Variants in BORCS6 observed in about 807,000 individuals in gnomAD.
BORCS6 encodes BLOC-1-related complex subunit 6.
In BORCS6, 12 loss-of-function variants were observed where a neutral mutation model predicts 17.0. That is an observed-to-expected ratio of 0.71 (90% CI 0.45 to 1.15). The LOEUF (loss-of-function observed/expected upper bound fraction) is 1.15. Among genes scored for constraint, BORCS6 ranks in the 50% most tolerant of loss-of-function variants. The pLI, the probability that BORCS6 is intolerant of heterozygous loss-of-function variation, is 0.00. For missense variants in BORCS6, 513 were observed against 515.0 expected, an observed-to-expected ratio of 1.00 and a Z score of 0.04; for synonymous variants, 262 against 241.7, an observed-to-expected ratio of 1.08 and a Z score of -0.78.
At position 8,189,027 on chromosome 17, in the gene BORCS6, G is replaced by A. The variant is rs1188349518; in HGVS notation, c.*40C>T. On this transcript the variant is annotated 3_prime_UTR_variant, in exon 1 of 1. Transcript: ENST00000389017. The surrounding 1 kb of genome is among the most constrained non-coding windows in gnomAD (Gnocchi z 7.8). ...TGAAGAGTCCTTAGGGTCCTGCTGG[G>A]CCCTGCCCTGGCCAGGACCGGCCTC... The A allele has an allele frequency of 4.3e-6, 7 of 1,613,206 alleles. No homozygotes were observed. Among genetic ancestry groups the A allele is most frequent in the African/African-American group, 1.3e-5 (1 of 75,024 alleles).
At position 8,188,859 on chromosome 17, in the gene BORCS6, C is replaced by G; in HGVS notation, c.*208G>C. On this transcript the variant is annotated 3_prime_UTR_variant, in exon 1 of 1. Transcript: ENST00000389017. ...AACTGAATACAAGCAGAGCAACATC[C>G]CTTCCCACCAGGAGAGCCGTTAGAA... 4.4e-6 allele frequency: 3 copies of G among 677,024 alleles called. No individual in the cohort carries two copies. The South Asian group carries it at 5.8e-5, about 13-fold the overall frequency. 41.9% of individuals were successfully genotyped at this position (677,024 alleles called of 1,614,324 possible).
Position 8,188,769 on chromosome 17 carries a change from G to A in BORCS6, c.*298C>T. On this transcript the variant is annotated 3_prime_UTR_variant, in exon 1 of 1. Transcript: ENST00000389017. ...CCTTCAAGCAGACCTAAAGCCCCGTGTTCCCAGGGCTGGTGCTCTAGCTAG... is the reference window on the plus strand; with the variant it reads ...CCTTCAAGCAGACCTAAAGCCCCGTATTCCCAGGGCTGGTGCTCTAGCTAG... The A allele has an allele frequency of 2.2e-6, 1 of 462,702 alleles. No individual in the cohort carries two copies. The highest frequency in any genetic ancestry group is 3.9e-6 in the Non-Finnish European group (1 of 255,448). The allele number at this position is 462,702 out of a possible 1,614,324, so 28.7% of individuals were successfully genotyped here. A position where few individuals can be genotyped will look rare whatever the true frequency, so the allele number is the denominator to read the frequency against.
chr17:8,190,154 G>T lies in BORCS6; in HGVS notation c.-14C>A. The T allele has an allele frequency of 6.5e-7, 1 of 1,537,002 alleles. No individual in the cohort carries two copies. Among genetic ancestry groups the T allele is most frequent in the South Asian group, 1.2e-5 (1 of 82,734 alleles). On this transcript the variant is annotated 5_prime_UTR_variant, in exon 1 of 1. Coordinates refer to ENST00000389017, the MANE Select transcript of BORCS6 (RefSeq NM_017622.3). Reference sequence around the variant, plus strand: ...AGACGACTCCATACTGCAGGTGGGGGCCGCAACGGAGGAATTGGTTCGCCC... The same window carrying T: ...AGACGACTCCATACTGCAGGTGGGGTCCGCAACGGAGGAATTGGTTCGCCC...
chr17:8,189,563 C>A lies in BORCS6; in HGVS notation c.578G>T (p.Arg193Leu). The change falls in exon 1 of 1, where the codon CGC (arginine) becomes CTC (leucine). Residue 193 changes from arginine (R) to leucine (L), a missense_variant. Transcript: ENST00000389017. This position sits in a 1 kb window ranked among gnomAD's most constrained non-coding sequence, Gnocchi z 7.8. ...GSAESGAGGG[R>L]RATISSPLEL... ...CAGGGGACTGGAGATGGTGGCGCGG[C>A]GTCCGCCGCCCGCGCCGGACTCGGC... 6.3e-7 allele frequency: 1 copy of A among 1,581,156 alleles called. No homozygotes were observed. The highest frequency in any genetic ancestry group is 1.1e-5 in the South Asian group (1 of 88,234).
chr17:8,189,743 C>T lies in BORCS6; in HGVS notation c.398G>A (p.Gly133Asp). The T allele has an allele frequency of 6.3e-7, 1 of 1,599,736 alleles. No homozygotes were observed. The highest frequency in any genetic ancestry group is 8.5e-7 in the Non-Finnish European group (1 of 1,179,632). ...GRDCRRGGPGGGMDVEQQEEE... is the reference protein window; with the variant it reads ...GRDCRRGGPGDGMDVEQQEEE... The stretch of plus-strand genomic sequence containing the variant: ...CTCCTGCTGCTCAACATCCATCCCG[C>T]CGCCTGGTCCCCCTCGACGGCAGTC... The change falls in exon 1 of 1, where the codon GGC (glycine) becomes GAC (aspartate). Residue 133 changes from glycine to aspartate, a missense_variant. Coordinates refer to ENST00000389017, the MANE Select transcript of BORCS6 (RefSeq NM_017622.3). The surrounding 1 kb of genome is among the most constrained non-coding windows in gnomAD (Gnocchi z 7.8).
In BORCS6 at chr17:8,189,186, AC is replaced by A. The variant is rs1984570767; in HGVS notation, c.954del (p.Met318IlefsTer59). On this transcript the variant is annotated frameshift_variant, in exon 1 of 1. Transcript: ENST00000389017. LOFTEE classifies it high-confidence loss of function. The surrounding 1 kb of genome is among the most constrained non-coding windows in gnomAD (Gnocchi z 7.8). ...TCCTCGCAGCGCGCCAGCAGGGTGTACATGCCCTTGATGCTCATGTCCACGG... is the reference window on the plus strand; with the variant it reads ...TCCTCGCAGCGCGCCAGCAGGGTGTAATGCCCTTGATGCTCATGTCCACGG... The part of the protein sequence containing the change: ...GEAVDMSIKG[M>X]YTLLARCEEL... 1 of 1,614,002 alleles carries A rather than the reference AC, an allele frequency of 6.2e-7. No homozygotes were observed. The highest frequency in any genetic ancestry group is 1.7e-5 in the Admixed American group (1 of 60,006).
At position 8,189,712 on chromosome 17, in the gene BORCS6, TTCC is replaced by T. The variant is rs756250074; in HGVS notation, c.426_428del (p.Glu143del). ...CCGCGGCCGCCTCCTCGTCGTTGTC[TTCC>T]TCCTCCTGCTGCTCAACATCCATCC... On this transcript the variant is annotated inframe_deletion, in exon 1 of 1. Transcript: ENST00000389017. This position sits in a 1 kb window ranked among gnomAD's most constrained non-coding sequence, Gnocchi z 7.8. 9 of 1,599,048 alleles carry T rather than the reference TTCC, an allele frequency of 5.6e-6. No individual in the cohort carries two copies. Among genetic ancestry groups the T allele is most frequent in the South Asian group, 1.1e-5 (1 of 91,086 alleles).
chr17:8,189,733 A>C lies in BORCS6; in HGVS notation c.408T>G (p.Asp136Glu). 1.3e-6 allele frequency: 2 copies of C among 1,599,318 alleles called. No homozygotes were observed. The highest frequency in any genetic ancestry group is 1.7e-6 in the Non-Finnish European group (2 of 1,179,606). Residue 136 changes from aspartate to glutamate, a missense_variant, in exon 1 of 1, where the codon GAT (aspartate) becomes GAG (glutamate). Transcript: ENST00000389017. This position sits in a 1 kb window ranked among gnomAD's most constrained non-coding sequence, Gnocchi z 7.8. ...CRRGGPGGGM[D>E]VEQQEEEDND... The stretch of plus-strand genomic sequence containing the variant: ...TGTCTTCCTCCTCCTGCTGCTCAAC[A>C]TCCATCCCGCCGCCTGGTCCCCCTC...
rs771433813 is a variant in BORCS6, at chr17:8,189,394, G to A, written c.747C>T (p.Pro249=). 51 of 1,591,588 alleles carry A rather than the reference G, an allele frequency of 3.2e-5. No individual in the cohort carries two copies. Among genetic ancestry groups the A allele is most frequent in the Admixed American group, 2.1e-4 (12 of 56,020 alleles). The stretch of plus-strand genomic sequence containing the variant: ...GGTCGATTGGGGGAATGGCCGGTGT[G>A]GGTGTGGGTGCAGGCGCTGGGCAGG... The part of the protein sequence containing the change: ...ARPCPAPAPT[P]TPAIPPIDPE... The change falls in exon 1 of 1, where the codon CCC becomes CCT. Residue 249 remains proline (P), a synonymous_variant. Transcript: ENST00000389017. The surrounding 1 kb of genome is among the most constrained non-coding windows in gnomAD (Gnocchi z 7.8).
chr17:8,190,039 A>G lies in BORCS6; in HGVS notation c.102T>C (p.Ser34=). The change falls in exon 1 of 1, where the codon TCT becomes TCC. Residue 34 remains serine, a synonymous_variant. Coordinates refer to ENST00000389017, the MANE Select transcript of BORCS6 (RefSeq NM_017622.3). ...ACACCCGGAGGCCTGCGGGCGGCTC[A>G]GAGGACGTTCGGCCCGGCCCGCCGC... ...VFGGGPGRTS[S]EPPAGLRVSG... 6.5e-7 allele frequency: 1 copy of G among 1,550,122 alleles called. No individual in the cohort carries two copies. The highest frequency in any genetic ancestry group is 8.7e-7 in the Non-Finnish European group (1 of 1,146,844).
chr17:8,189,000 C>T lies in BORCS6; in HGVS notation c.*67G>A, dbSNP rs1024376023. ...CAGTGGGCACTTCCCACCAGGACTC[C>T]CTGAAGAGTCCTTAGGGTCCTGCTG... On this transcript the variant is annotated 3_prime_UTR_variant, in exon 1 of 1. Transcript: ENST00000389017. 7 of 1,603,766 alleles carry T rather than the reference C, an allele frequency of 4.4e-6. No homozygotes were observed. The African/African-American group carries it at 8.1e-5, about 18-fold the overall frequency.
At position 8,188,732 on chromosome 17, in the gene BORCS6, G is replaced by C. The variant is rs1288698055; in HGVS notation, c.*335C>G. 2 of 367,936 alleles carry C rather than the reference G, an allele frequency of 5.4e-6. No homozygotes were observed. Among genetic ancestry groups the C allele is most frequent in the Non-Finnish European group, 5.0e-6 (1 of 198,544 alleles). 22.8% of individuals were successfully genotyped at this position (367,936 alleles called of 1,614,324 possible). On this transcript the variant is annotated 3_prime_UTR_variant, in exon 1 of 1. Transcript: ENST00000389017. Reference sequence around the variant, plus strand: ...CCCTTTCTCCTGATTACATGTGGGAGTCACGTCCTCACCTTCAAGCAGACC... The same window carrying C: ...CCCTTTCTCCTGATTACATGTGGGACTCACGTCCTCACCTTCAAGCAGACC...
chr17:8,189,531 C>T lies in BORCS6; in HGVS notation c.610G>A (p.Glu204Lys). The change falls in exon 1 of 1, where the codon GAA (glutamate) becomes AAA (lysine). Residue 204 changes from glutamate (E) to lysine (K), a missense_variant. Glu to Lys is a moderately conservative substitution (Grantham distance 56, BLOSUM62 1). Transcript: ENST00000389017. This position sits in a 1 kb window ranked among gnomAD's most constrained non-coding sequence, Gnocchi z 7.8. ...TCGCCGTGGCGGCTCACTGTGCCTT[C>T]GAGCTCCAGGGGACTGGAGATGGTG... Reference protein sequence around the residue: ...RATISSPLELEGTVSRHGDLT... With the variant: ...RATISSPLELKGTVSRHGDLT... 6.3e-7 allele frequency: 1 copy of T among 1,579,772 alleles called. No homozygotes were observed. The highest frequency in any genetic ancestry group is 8.6e-7 in the Non-Finnish European group (1 of 1,163,984).
Position 8,189,428 on chromosome 17 carries a change from G to C in BORCS6, c.713C>G (p.Pro238Arg). Residue 238 changes from proline to arginine, a missense_variant, in exon 1 of 1, where the codon CCT (proline) becomes CGT (arginine). By Grantham distance (103) the Pro-to-Arg change is moderately radical. Transcript: ENST00000389017. This position sits in a 1 kb window ranked among gnomAD's most constrained non-coding sequence, Gnocchi z 7.8. ...SGAPPPPPSA[P>R]ARPCPAPAPT... ...TGCAGGCGCTGGGCAGGGCCGCGCA[G>C]GGGCAGAAGGCGGGGGTGGAGGCGC... is the stretch of plus-strand genomic sequence containing the variant. 2 of 1,568,558 alleles carry C rather than the reference G, an allele frequency of 1.3e-6. No individual in the cohort carries two copies. The highest frequency in any genetic ancestry group is 1.7e-6 in the Non-Finnish European group (2 of 1,157,532).
rs781400698 is a variant in BORCS6, at chr17:8,189,797, G to A, written c.344C>T (p.Pro115Leu). ...CCCGGAGGAGGGCTTGCCCTCGGGC[G>A]GCGCCGGGTTCTTGTGCCGGGAGGA... The part of the protein sequence containing the change: ...SLSSRHKNPA[P>L]PEGKPSSGRD... Residue 115 changes from proline to leucine, a missense_variant, in exon 1 of 1, where the codon CCG becomes CTG. Physicochemically the swap from Pro to Leu is moderately conservative, Grantham distance 98 (BLOSUM62 -3). Coordinates refer to ENST00000389017, the MANE Select transcript of BORCS6 (RefSeq NM_017622.3). The surrounding 1 kb of genome is among the most constrained non-coding windows in gnomAD (Gnocchi z 7.8). 14 of 1,594,642 alleles carry A rather than the reference G, an allele frequency of 8.8e-6. No individual in the cohort carries two copies. The Admixed American group carries it at 1.0e-4, about 12-fold the overall frequency.
chr17:8,189,112 C>T lies in BORCS6; in HGVS notation c.1029G>A (p.Arg343=). 6.2e-7 allele frequency: 1 copy of T among 1,614,112 alleles called. No homozygotes were observed. The highest frequency in any genetic ancestry group is 8.5e-7 in the Non-Finnish European group (1 of 1,180,040). The part of the protein sequence containing the change: ...QPVQGLARQV[R]DIRRTLEVLE... ...ACACCTCCAGAGTACGTCGGATATC[C>T]CGGACTTGGCGCGCCAGCCCCTGAA... The change falls in exon 1 of 1, where the codon CGG becomes CGA. Residue 343 remains arginine, a synonymous_variant. Coordinates refer to ENST00000389017, the MANE Select transcript of BORCS6 (RefSeq NM_017622.3). This position sits in a 1 kb window ranked among gnomAD's most constrained non-coding sequence, Gnocchi z 7.8.
rs755161699 is a variant in BORCS6, at chr17:8,190,098, G to C, written c.43C>G (p.Leu15Val). ...RGRPGPETDL[L>V]AVAEHQALVF... ...AGGGCCTGATGTTCCGCTACAGCCA[G>C]AAGGTCCGTCTCGGGCCCGGGCCGC... is the stretch of plus-strand genomic sequence containing the variant. The change falls in exon 1 of 1, where the codon CTG becomes GTG. Residue 15 changes from leucine (L) to valine (V), a missense_variant. Coordinates refer to ENST00000389017, the MANE Select transcript of BORCS6 (RefSeq NM_017622.3). 8.4e-6 allele frequency: 13 copies of C among 1,550,130 alleles called. No individual in the cohort carries two copies. The highest frequency in any genetic ancestry group is 1.2e-5 in the South Asian group (1 of 84,046).
chr17:8,189,723 G>A lies in BORCS6; in HGVS notation c.418C>T (p.Gln140Ter), dbSNP rs1194591467. 1.3e-6 allele frequency: 2 copies of A among 1,599,224 alleles called. No homozygotes were observed. ...GPGGGMDVEQ[Q>*]EEEDNDEEAA... Reference sequence around the variant, plus strand: ...TCCTCGTCGTTGTCTTCCTCCTCCTGCTGCTCAACATCCATCCCGCCGCCT... The same window carrying A: ...TCCTCGTCGTTGTCTTCCTCCTCCTACTGCTCAACATCCATCCCGCCGCCT... Residue 140 changes from glutamine to a stop codon, truncating the protein, a stop_gained, in exon 1 of 1, where the codon CAG (glutamine) becomes TAG (stop). Coordinates refer to ENST00000389017, the MANE Select transcript of BORCS6 (RefSeq NM_017622.3). LOFTEE classifies it high-confidence loss of function. This position sits in a 1 kb window ranked among gnomAD's most constrained non-coding sequence, Gnocchi z 7.8.
At position 8,188,852 on chromosome 17, in the gene BORCS6, C is replaced by A; in HGVS notation, c.*215G>T. 1 of 656,048 alleles carries A rather than the reference C, an allele frequency of 1.5e-6. No homozygotes were observed. Among genetic ancestry groups the A allele is most frequent in the South Asian group, 1.9e-5 (1 of 51,356 alleles). The allele number at this position is 656,048 out of a possible 1,614,324, so 40.6% of individuals were successfully genotyped here. ...GATGGCCAACTGAATACAAGCAGAG[C>A]AACATCCCTTCCCACCAGGAGAGCC... On this transcript the variant is annotated 3_prime_UTR_variant, in exon 1 of 1. Coordinates refer to ENST00000389017, the MANE Select transcript of BORCS6 (RefSeq NM_017622.3).
Sources: allele counts gnomAD v4.1 joint callset, GRCh38; gene constraint gnomAD v4.1.1; non-coding constraint Gnocchi (gnomAD v3.1); transcripts MANE v1.5; gene names NCBI Gene and HGNC (gene_info 2026-07-23, HGNC 2026-07-21).